Variants in WLS observed in about 807,000 individuals in gnomAD.
WLS encodes the protein Wnt ligand secretion mediator, also known as protein wntless homolog.
Under a neutral mutation model 62.8 loss-of-function variants are expected in WLS, and 23 were observed. The ratio of observed to expected loss-of-function variants is 0.37; its 90% CI spans 0.26 to 0.52. The LOEUF (loss-of-function observed/expected upper bound fraction) is 0.52. Among genes scored for constraint, WLS ranks in the 20% least tolerant of loss-of-function variants. The probability of loss-of-function intolerance (pLI) is 0.92; values close to 1 mark genes in which losing one functional copy is unlikely to be tolerated. For synonymous variants in WLS, 246 were observed against 244.1 expected (o/e 1.01, Z -0.07); for missense variants, 615 against 697.3 (o/e 0.88, Z 1.33).
intron 1 of WLS, among the ~76,000 whole-genome samples, chr1:68,214,606 C>T (rs967610416): frequency 6.6e-6 from 1 of 152,110 alleles, no homozygotes; most frequent in African/African-American, 2.4e-5. Flanking sequence ...CCTCAGGCCT[C>T]CCAAAGTGCT....
intron 2 of WLS, among the ~76,000 whole-genome samples, chr1:68,187,189 C>CAAAAAAAAAAAAAAA (rs34130992): frequency 5.6e-4 from 32 of 57,154 alleles, no homozygotes; most frequent in African/African-American, 6.0e-4. Flanking sequence ...ACTCCATCTC[C>CAAAAAAAAAAAAAAA]AAAAAAAAAA....
chr1:68,211,645 T>G (rs1414716357), intron 1 of WLS, among the ~76,000 whole-genome samples: 1 of 152,220 alleles, frequency 6.6e-6, no homozygotes, highest in Non-Finnish European at 1.5e-5. Context: ...TCTAGGGACA[T>G]AGTGCAAAGT....
intron 1 of WLS, among the ~76,000 whole-genome samples, chr1:68,223,836 G>A (rs563733914): frequency 4.6e-5 from 7 of 152,236 alleles, no homozygotes; most frequent in East Asian, 3.9e-4. Flanking sequence ...ACTAAATGAC[G>A]CTGCTTTGAG....
At chr1:68,142,116 A>C (rs796104967) in intron 10 of WLS, among the ~76,000 whole-genome samples, 1 of 152,294 alleles carries the variant, frequency 6.6e-6, no homozygotes. Flanking sequence ...TAAGAAGTAC[A>C]CTAATTAAAC....
At chr1:68,167,476 T>A (rs1047666680) in intron 2 of WLS, among the ~76,000 whole-genome samples, 2 of 152,144 alleles carry the variant, frequency 1.3e-5, no homozygotes, top group African/African-American at 2.4e-5. Context: ...GGGCAATACT[T>A]CCCCTCCACC....
At chr1:68,215,040 G>A (rs751839648) in intron 1 of WLS, among the ~76,000 whole-genome samples, 11 of 152,162 alleles carry the variant, frequency 7.2e-5, no homozygotes, top group Non-Finnish European at 1.3e-4. Flanking sequence ...TAAATCCACC[G>A]TGGCTAGTGC....
chr1:68,223,361 C>A (rs567005248), intron 1 of WLS, among the ~76,000 whole-genome samples: 7 of 152,246 alleles, frequency 4.6e-5, no homozygotes, highest in African/African-American at 1.7e-4. Context: ...AGCAGGATGA[C>A]CTCCTTAAAC....
At chr1:68,153,820 T>C (rs908391722) in intron 4 of WLS, among the ~76,000 whole-genome samples, 167 bp from the exon 5 acceptor site, 1 of 152,128 alleles carries the variant, frequency 6.6e-6, no homozygotes, top group Non-Finnish European at 1.5e-5. Flanking sequence ...CCTTGGACTC[T>C]CCTCAGAGAT....
chr1:68,170,136 C>T (rs1210075205), intron 2 of WLS, among the ~76,000 whole-genome samples: 2 of 150,312 alleles, frequency 1.3e-5, no homozygotes, highest in South Asian at 2.1e-4. Flanking sequence ...ATAGTAAGCA[C>T]TCAGTCAATG....
rs969490308 is a variant in WLS at position 68,145,940 on chromosome 1, C to G, written c.1207G>C (p.Val403Leu). The change falls in exon 9 of 12, where the codon GTG becomes CTG. Residue 403 changes from valine (V) to leucine (L), a missense_variant. Transcript: ENST00000262348. ...FLFLCFMVFQ[V>L]FRNISGKQSS... ...TGCTTCCCACTGATGTTCCGAAACACCTGAAATACCATGAAGCATAGAAAC... is the reference window on the plus strand; with the variant it reads ...TGCTTCCCACTGATGTTCCGAAACAGCTGAAATACCATGAAGCATAGAAAC... 25 of 1,613,968 alleles carry G rather than the reference C, an allele frequency of 1.5e-5. No individual in the cohort carries two copies. Among genetic ancestry groups the G allele is most frequent in the African/African-American group, 2.7e-5 (2 of 74,870 alleles).
Position 68,193,948 on chromosome 1 carries a change from A to G in WLS, c.379+7T>C, listed in dbSNP as rs1557511652. 1.2e-6 allele frequency: 2 copies of G among 1,612,398 alleles called. No individual in the cohort carries two copies. The highest frequency in any genetic ancestry group is 1.7e-6 in the Non-Finnish European group (2 of 1,178,892). ...GAAGAAAGGGATGAGAGGAGAGTACACTTAACTGATTTGGTTGTTTAGCTT... is the reference window on the plus strand; with the variant it reads ...GAAGAAAGGGATGAGAGGAGAGTACGCTTAACTGATTTGGTTGTTTAGCTT... On this transcript the variant is annotated splice_region_variant and intron_variant, in intron 2 of 11. Transcript: ENST00000262348.
At chr1:68,125,183 C>G (rs1646411210), downstream of WLS, among the ~76,000 whole-genome samples, 1 of 152,162 alleles carries the variant, frequency 6.6e-6, no homozygotes, top group Admixed American at 6.5e-5. Flanking sequence ...GCATCCCTTG[C>G]CAGCCTAGGG....
chr1:68,181,409 A>C (rs1647561674), intron 2 of WLS, among the ~76,000 whole-genome samples: 1 of 152,248 alleles, frequency 6.6e-6, no homozygotes, highest in African/African-American at 2.4e-5. Context: ...TTCTAAACTC[A>C]GAGCAGGAAA....
intron 2 of WLS, among the ~76,000 whole-genome samples, chr1:68,166,030 C>A (rs1647054950): frequency 6.6e-6 from 1 of 152,018 alleles, no homozygotes; most frequent in Non-Finnish European, 1.5e-5. Context: ...TGTTGAGGAT[C>A]CTCAAAGGAA....
intron 2 of WLS, among the ~76,000 whole-genome samples, chr1:68,179,033 A>C (rs1335376595): frequency 1.3e-5 from 2 of 152,230 alleles, no homozygotes; most frequent in Non-Finnish European, 2.9e-5. Flanking sequence ...ATACACTTCC[A>C]GTACACCAAC....
chr1:68,153,756 G>A (rs964035023), intron 4 of WLS, 103 bp from the exon 5 acceptor site: 68 of 1,459,452 alleles, frequency 4.7e-5, no homozygotes, highest in Non-Finnish European at 5.6e-5. Context: ...CCTCGTCTGC[G>A]AATGTTCACG....
intron 1 of WLS, chr1:68,202,522 C>T (rs1048974574): frequency 1.3e-5 from 2 of 152,110 alleles, no homozygotes. Context: ...CTCCATCACT[C>T]CAGAAATACT....
chr1:68,188,998 TCA>T (rs1648135050), intron 2 of WLS, among the ~76,000 whole-genome samples: 1 of 152,236 alleles, frequency 6.6e-6, no homozygotes, highest in Non-Finnish European at 1.5e-5. Context: ...CAGAGGTCAA[TCA>T]CAGTGTAAAA....
rs112184895 is a variant in WLS at position 68,161,255 on chromosome 1, A to G, written c.380-2008T>C. 3.3e-4 allele frequency among the ~76,000 whole-genome samples: 50 copies of G among 152,336 alleles called. 1 individual carries two copies. The highest frequency in any genetic ancestry group is 1.2e-3 in the African/African-American group (50 of 41,590). On this transcript the variant is annotated intron_variant, in intron 2 of 11. Coordinates refer to ENST00000262348, the MANE Select transcript of WLS (RefSeq NM_024911.7). ...TACTGTCTTCAATCCTATGCGAGCA[A>G]GTGTCTACCACAGGCAAACAGTTTT... is the stretch of plus-strand genomic sequence containing the variant.
Sources: allele counts gnomAD v4.1 joint callset (sites outside exome capture counted in the v4.1 genomes callset), GRCh38; gene constraint gnomAD v4.1.1; transcripts MANE v1.5; gene names NCBI Gene and HGNC (gene_info 2026-07-23, HGNC 2026-07-21).